The following SH3BP1 variants were observed in gnomAD, a reference collection of about 807,000 sequenced individuals.
The protein encoded by SH3BP1 is SH3 domain binding protein 1, also known as SH3 domain-binding protein 1.
In SH3BP1, 46 loss-of-function variants were observed where a neutral mutation model predicts 69.8. The ratio of observed to expected loss-of-function variants is 0.66; its 90% CI spans 0.52 to 0.84. SH3BP1 has a LOEUF of 0.84. Among genes scored for constraint, SH3BP1 ranks in the 40% least tolerant of loss-of-function variants. The pLI is 0.00. For missense variants in SH3BP1, 868 were observed against 930.9 expected, an observed-to-expected ratio of 0.93 and a Z score of 0.88; for synonymous variants, 403 against 378.0, an observed-to-expected ratio of 1.07 and a Z score of -0.77.
Position 37,647,289 on chromosome 22 carries a change from G to C in SH3BP1, c.1059G>C (p.Arg353=). The C allele has an allele frequency of 6.2e-7, 1 of 1,614,058 alleles. No homozygotes were observed. The highest frequency in any genetic ancestry group is 8.5e-7 in the Non-Finnish European group (1 of 1,179,980). ...CAGGTGCCCTCAAGTCCTATCTGCG[G>C]GAGCTGCCAGAGCCTCTGATGACCT... ...AVAGALKSYL[R]ELPEPLMTFD... The change falls in exon 12 of 18, where the codon CGG becomes CGC. Residue 353 remains arginine, a synonymous_variant. Coordinates refer to ENST00000649765, the MANE Select transcript of SH3BP1 (RefSeq NM_018957.6).
chr22:37,654,006 G>A (rs1932946012), intron 17 of SH3BP1, 133 bp downstream of exon 17: 3 of 658,764 alleles, frequency 4.6e-6, no homozygotes, highest in East Asian at 5.5e-5. Context: ...CCCAGGTCTT[G>A]CCACCTGGCA....
chr22:37,647,045 C>T (rs1932797232), intron 11 of SH3BP1, 116 bp downstream of exon 11: 2 of 783,362 alleles, frequency 2.6e-6, no homozygotes, highest in Non-Finnish European at 4.0e-6. Context: ...ACTGAGGACA[C>T]TCGGGTTCTT....
At chr22:37,642,811 G>T in intron 4 of SH3BP1, 84 bp from the exon 5 acceptor site, 1 of 1,592,710 alleles carries the variant, frequency 6.3e-7, no homozygotes, top group South Asian at 1.1e-5. Context: ...GGGGCCGGAA[G>T]TGAGGGAGGA....
At chr22:37,649,302 A>G (rs1932835965) in intron 14 of SH3BP1, among the ~76,000 whole-genome samples, 1 of 152,100 alleles carries the variant, frequency 6.6e-6, no homozygotes, top group Non-Finnish European at 1.5e-5. Flanking sequence ...AGCCTGGGCA[A>G]CTTAATGAGA....
At chr22:37,649,945 T>C (rs906588198) in intron 14 of SH3BP1, 1 of 679,196 alleles carries the variant, frequency 1.5e-6, no homozygotes, top group Non-Finnish European at 2.7e-6. Context: ...AAAGGGTCCT[T>C]GATTAATTAG....
Position 37,648,348 on chromosome 22 carries a change from C to T in SH3BP1, c.1229C>T (p.Ala410Val). Residue 410 changes from alanine (A) to valine (V), a missense_variant, in exon 14 of 18, where the codon GCC becomes GTC. This residue lies in a region of SH3BP1 where 474 missense variants were observed against 462.3 expected (regional missense o/e 1.03). Transcript: ENST00000649765. The part of the protein sequence containing the change: ...RYLMKFLARL[A>V]EEQEVNKMTP... ...CTGATGAAGTTCCTGGCACGGCTGG[C>T]CGAGGAGCAGGAGGTGAACAAGATG... is the stretch of plus-strand genomic sequence containing the variant. 6.3e-7 allele frequency: 1 copy of T among 1,578,816 alleles called. No homozygotes were observed. The highest frequency in any genetic ancestry group is 8.6e-7 in the Non-Finnish European group (1 of 1,162,236).
rs376172045 is a variant in SH3BP1 at position 37,653,804 on chromosome 22, C to T, written c.1624C>T (p.Pro542Ser). 19 of 1,613,680 alleles carry T rather than the reference C, an allele frequency of 1.2e-5. No individual in the cohort carries two copies. Among genetic ancestry groups the T allele is most frequent in the Non-Finnish European group, 1.4e-5 (16 of 1,179,864 alleles). The stretch of plus-strand genomic sequence containing the variant: ...GACAGAGTCTGAGGTGCCTCCCAGA[C>T]CAGCCTCCCCCAAGGTCACCAGGAG... ...ERTESEVPPR[P>S]ASPKVTRSPP... Residue 542 changes from proline to serine, a missense_variant, in exon 17 of 18, where the codon CCA becomes TCA. Physicochemically the swap from Pro to Ser is moderately conservative, Grantham distance 74. Around this residue, in one of 3 missense-constraint regions of SH3BP1, gnomAD observed 474 missense variants for 462.3 expected, o/e 1.03. Coordinates refer to ENST00000649765, the MANE Select transcript of SH3BP1 (RefSeq NM_018957.6).
At position 37,643,016 on chromosome 22, in the gene SH3BP1, T is replaced by TG. The variant is rs1228134255; in HGVS notation, c.396+11dup. 2 of 1,611,328 alleles carry TG rather than the reference T, an allele frequency of 1.2e-6. No homozygotes were observed. Among genetic ancestry groups the TG allele is most frequent in the Non-Finnish European group, 1.7e-6 (2 of 1,178,348 alleles). On this transcript the variant is annotated intron_variant, in intron 5 of 17. Coordinates refer to ENST00000649765, the MANE Select transcript of SH3BP1 (RefSeq NM_018957.6). ...CAGCAGGCTGAGTGAGGTGAGCCTG[T>TG]GCCCTGCTTTCAGCCCCCAGCTTCC...
At position 37,641,434 on chromosome 22, in the gene SH3BP1, G is replaced by C; in HGVS notation, c.163G>C (p.Ala55Pro). The change falls in exon 3 of 18, where the codon GCC becomes CCC. Residue 55 changes from alanine (A) to proline (P), a missense_variant. Ala to Pro is a conservative substitution (Grantham distance 27). Transcript: ENST00000649765. ...CCACAACATCCACAAGCGGCTGCAG[G>C]CCTGTCTGCAGGGCCAGAGCGGGGC... The part of the protein sequence containing the change: ...AAHNIHKRLQ[A>P]CLQGQSGADM... 1 of 1,551,212 alleles carries C rather than the reference G, an allele frequency of 6.4e-7. No homozygotes were observed. Among genetic ancestry groups the C allele is most frequent in the Non-Finnish European group, 8.7e-7 (1 of 1,147,138 alleles).
Position 37,642,631 on chromosome 22 carries a change from G to A in SH3BP1, c.284+16G>A, listed in dbSNP as rs1262072408. The A allele has an allele frequency of 6.2e-7, 1 of 1,613,218 alleles. No individual in the cohort carries two copies. The highest frequency in any genetic ancestry group is 8.5e-7 in the Non-Finnish European group (1 of 1,179,986). Reference sequence around the variant, plus strand: ...CCAGCATGGGGTGAGCACAGACGGGGCCCAGCCCTCACCTGGGGATACCAA... The same window carrying A: ...CCAGCATGGGGTGAGCACAGACGGGACCCAGCCCTCACCTGGGGATACCAA... On this transcript the variant is annotated intron_variant, in intron 4 of 17. Coordinates refer to ENST00000649765, the MANE Select transcript of SH3BP1 (RefSeq NM_018957.6).
At chr22:37,648,590 G>A (rs1284440364) in intron 14 of SH3BP1, among the ~76,000 whole-genome samples, 155 bp downstream of exon 14, 2 of 152,164 alleles carry the variant, frequency 1.3e-5, no homozygotes, top group Admixed American at 6.5e-5. Flanking sequence ...CAGGCCAAAG[G>A]GGCTGTGCAG....
chr22:37,640,364 T>TTC (rs57748733), intron 1 of SH3BP1: 33,189 of 150,334 alleles, frequency 0.22, 3,881 homozygotes, highest in Middle Eastern at 0.32. Flanking sequence ...GGCCTCCTGC[T>TTC]TCTGTCTCGT....
rs2146043588 is a variant in SH3BP1, at chr22:37,641,415, C to T, written c.144C>T (p.Asn48=). Residue 48 remains asparagine, a synonymous_variant, in exon 3 of 18, where the codon AAC becomes AAT. Coordinates refer to ENST00000649765, the MANE Select transcript of SH3BP1 (RefSeq NM_018957.6). ...RLEPAKRAAH[N]IHKRLQACLQ... The stretch of plus-strand genomic sequence containing the variant: ...AGCCGGCCAAGCGGGCAGCCCACAA[C>T]ATCCACAAGCGGCTGCAGGCCTGTC... The T allele has an allele frequency of 1.3e-6, 2 of 1,551,058 alleles. No homozygotes were observed. Among genetic ancestry groups the T allele is most frequent in the Admixed American group, 2.0e-5 (1 of 51,038 alleles).
intron 16 of SH3BP1, among the ~76,000 whole-genome samples, chr22:37,653,380 G>A (rs1214508811): frequency 6.6e-6 from 1 of 152,128 alleles, no homozygotes; most frequent in Non-Finnish European, 1.5e-5. Context: ...AGGCTGCAGT[G>A]AGCCAAGATC....
intron 1 of SH3BP1, 119 bp from the exon 2 acceptor site, chr22:37,641,007 G>A (rs1601579462): frequency 1.4e-6 from 1 of 731,464 alleles, no homozygotes; most frequent in South Asian, 1.6e-5. Context: ...TCAGCTGGGA[G>A]GGACAGTGGA....
Position 37,655,832 on chromosome 22 carries a change from C to T in SH3BP1, c.*148C>T. The stretch of plus-strand genomic sequence containing the variant: ...TGCCCACTGGGTCGGCCCCCATGGC[C>T]AGGAGGGCTCAGGACAATCCTCTAT... On this transcript the variant is annotated 3_prime_UTR_variant, in exon 18 of 18. Coordinates refer to ENST00000649765, the MANE Select transcript of SH3BP1 (RefSeq NM_018957.6). 6.8e-7 allele frequency: 1 copy of T among 1,479,902 alleles called. No homozygotes were observed. The highest frequency in any genetic ancestry group is 8.9e-7 in the Non-Finnish European group (1 of 1,121,918). 91.7% of individuals were successfully genotyped at this position (1,479,902 alleles called of 1,614,324 possible). A position where few individuals can be genotyped will look rare whatever the true frequency, so the allele number is the denominator to read the frequency against.
intron 7 of SH3BP1, 123 bp downstream of exon 7, chr22:37,643,911 G>A (rs1932711335): frequency 1.9e-6 from 2 of 1,047,880 alleles, no homozygotes; most frequent in South Asian, 1.4e-5. Context: ...ACGTGGCTAG[G>A]AGCCAGCAGA....
intron 7 of SH3BP1, 80 bp from the exon 8 acceptor site, chr22:37,644,557 A>G (rs1030810192): frequency 1.4e-5 from 20 of 1,414,546 alleles, no homozygotes; most frequent in Non-Finnish European, 1.8e-5. Context: ...GGGGGAGGTC[A>G]CCAACCCTTC....
chr22:37,649,258 T>G (rs2146064272), intron 14 of SH3BP1, among the ~76,000 whole-genome samples: 1 of 152,086 alleles, frequency 6.6e-6, no homozygotes, highest in East Asian at 1.9e-4. Flanking sequence ...GAGGCCAAGG[T>G]GGGAAGATCA....
Sources: gnomAD v4.1 joint callset for allele counts (sites outside exome capture counted in the v4.1 genomes callset) on GRCh38, gnomAD v4.1.1 for gene constraint, gnomAD v4.1.1 regional missense constraint, MANE v1.5 for transcripts, NCBI Gene and HGNC (gene_info 2026-07-23, HGNC 2026-07-21) for gene names.